The following DNAH12 variants were observed in gnomAD, a reference collection of about 807,000 sequenced individuals.
DNAH12 encodes the protein axonemal beta dynein heavy chain 12.
Under a neutral mutation model 371.5 loss-of-function variants are expected in DNAH12, and 285 were observed. That is an observed-to-expected ratio of 0.77 (90% CI 0.70 to 0.85). The LOEUF (loss-of-function observed/expected upper bound fraction) is 0.85. Among genes scored for constraint, DNAH12 ranks in the 40% least tolerant of loss-of-function variants. The pLI, the probability that DNAH12 is intolerant of heterozygous loss-of-function variation, is 0.00. For synonymous variants in DNAH12, 1,200 were observed against 1,213.0 expected, an observed-to-expected ratio of 0.99 and a Z score of 0.22; for missense variants, 3,611 against 3,689.4, an observed-to-expected ratio of 0.98 and a Z score of 0.55.
intron 4 of DNAH12, among the ~76,000 whole-genome samples, chr3:57,512,909 C>T (rs1263463627): frequency 2.6e-5 from 4 of 152,054 alleles, no homozygotes; most frequent in South Asian, 2.1e-4. Flanking sequence ...GAGGCCGAGG[C>T]GGGTGGATCA....
chr3:57,452,633 A>G (rs2065788610), intron 25 of DNAH12, among the ~76,000 whole-genome samples: 3 of 152,212 alleles, frequency 2.0e-5, no homozygotes, highest in African/African-American at 7.2e-5. Context: ...GGAGTGACTC[A>G]CAACTTTCAT....
intron 62 of DNAH12, among the ~76,000 whole-genome samples, chr3:57,325,653 A>G (rs2061924868): frequency 6.6e-6 from 1 of 152,210 alleles, no homozygotes. Flanking sequence ...AAACTCTAAA[A>G]AGCAGAGCAC....
In DNAH12 at chr3:57,323,177, C is replaced by G; in HGVS notation, c.10213G>C (p.Ala3405Pro). Residue 3405 changes from alanine to proline, a missense_variant, in exon 64 of 74, where the codon GCA (alanine) becomes CCA (proline). Transcript: ENST00000495027. ...ATTGCTGCTTTAATCATTTTTGCTG[C>G]AATCGGTCCTTGTCCCTGTCCCAGT... ...ISLGQGQGPIAAKMIKAAIEE... is the reference protein window; with the variant it reads ...ISLGQGQGPIPAKMIKAAIEE... 1 of 1,552,372 alleles carries G rather than the reference C, an allele frequency of 6.4e-7. No individual in the cohort carries two copies. Among genetic ancestry groups the G allele is most frequent in the South Asian group, 1.2e-5 (1 of 84,056 alleles).
chr3:57,473,152 A>G (rs2066415723), intron 13 of DNAH12, among the ~76,000 whole-genome samples: 1 of 152,088 alleles, frequency 6.6e-6, no homozygotes, highest in Non-Finnish European at 1.5e-5. Context: ...ACTGTATGCA[A>G]TAGTCTAGAA....
rs2065817267 is a variant in DNAH12, at chr3:57,453,504, T to A, written c.3457-101A>T. On this transcript the variant is annotated intron_variant, in intron 23 of 73. Transcript: ENST00000495027. ...TTATAAAACAATTCTGACTTCTTAA[T>A]CTATCTCAATATAGAAATGAGTTCA... The A allele has an allele frequency of 2.8e-6, 3 of 1,068,230 alleles. 1 individual carries two copies. The highest frequency in any genetic ancestry group is 5.7e-5 in the East Asian group (2 of 35,360). The allele number at this position is 1,068,230 out of a possible 1,614,324, so 66.2% of individuals were successfully genotyped here.
At chr3:57,437,407 TAAAC>T (rs1323303825) in intron 29 of DNAH12, among the ~76,000 whole-genome samples, 7 of 152,232 alleles carry the variant, frequency 4.6e-5, no homozygotes, top group Admixed American at 1.3e-4. Context: ...TAACCAGAAA[TAAAC>T]AAATAAGTTT....
chr3:57,431,898 G>GA (rs1045006436), intron 32 of DNAH12, among the ~76,000 whole-genome samples: 3 of 152,102 alleles, frequency 2.0e-5, no homozygotes, highest in African/African-American at 7.2e-5. Context: ...ACTTCACGAA[G>GA]AAAAGAGAAA....
At chr3:57,390,575 C>G (rs1427308615) in intron 45 of DNAH12, among the ~76,000 whole-genome samples, 2 of 148,544 alleles carry the variant, frequency 1.3e-5, no homozygotes, top group Non-Finnish European at 3.0e-5. Context: ...GTACCAGAAA[C>G]TATTTTTTTT....
the DNAH12 span, among the ~76,000 whole-genome samples, chr3:57,554,153 A>G: frequency 1.1e-5 from 1 of 94,378 alleles, no homozygotes; most frequent in African/African-American, 7.8e-5. Context: ...CAGACATGGC[A>G]GTGCACACCT....
chr3:57,325,238 C>G (rs1052008169), intron 62 of DNAH12, among the ~76,000 whole-genome samples: 4 of 152,224 alleles, frequency 2.6e-5, no homozygotes, highest in African/African-American at 7.2e-5. Flanking sequence ...CAGCACGCAG[C>G]TGGAGATCTG....
intron 2 of DNAH12, among the ~76,000 whole-genome samples, chr3:57,531,708 A>C (rs1347799360): frequency 7.0e-6 from 1 of 142,546 alleles, no homozygotes; most frequent in Non-Finnish European, 1.5e-5. Flanking sequence ...GGTTGCAGTG[A>C]GCTGAGATCA....
chr3:57,366,659 A>G lies in DNAH12; in HGVS notation c.9167+70T>C, dbSNP rs916070534. ...TTGACAAAGTTTTAAAATATTCACA[A>G]AACATAAATATTAATGACCTACAAA... is the stretch of plus-strand genomic sequence containing the variant. On this transcript the variant is annotated intron_variant, in intron 57 of 73. Coordinates refer to ENST00000495027, the MANE Select transcript of DNAH12 (RefSeq NM_001366028.2). 10 of 152,360 alleles carry G rather than the reference A, an allele frequency of 6.6e-5. No individual in the cohort carries two copies. In the South Asian group the frequency reaches 1.2e-3, roughly 19 times the overall value. The allele number at this position is 152,360 out of a possible 1,614,324, so 9.4% of individuals were successfully genotyped here.
At chr3:57,488,898 A>G (rs1307980379) in intron 12 of DNAH12, among the ~76,000 whole-genome samples, 1 of 151,922 alleles carries the variant, frequency 6.6e-6, no homozygotes, top group Non-Finnish European at 1.5e-5. Context: ...CCGATGTGGC[A>G]TGGTCTTCCC....
rs886933143 is a variant in DNAH12, at chr3:57,379,189, A to C, written c.8192T>G (p.Met2731Arg). The part of the protein sequence containing the change: ...SAAEGLCKWI[M>R]AMEVYDRVAK... ...AACTCTGTCGTACACTTCCATGGCC[A>C]TGATCCACTTACACAGACCCTCAGC... Residue 2731 changes from methionine to arginine, a missense_variant, in exon 52 of 74, where the codon ATG (methionine) becomes AGG (arginine). Physicochemically the swap from Met to Arg is moderately conservative, Grantham distance 91. Around this residue, in one of 3 missense-constraint regions of DNAH12, gnomAD observed 2,266 missense variants for 2,236.9 expected, o/e 1.01. Coordinates refer to ENST00000495027, the MANE Select transcript of DNAH12 (RefSeq NM_001366028.2). 1 of 152,214 alleles carries C rather than the reference A, an allele frequency of 6.6e-6. No individual in the cohort carries two copies. The highest frequency in any genetic ancestry group is 1.5e-5 in the Non-Finnish European group (1 of 68,048). The allele number at this position is 152,214 out of a possible 1,614,324, so 9.4% of individuals were successfully genotyped here.
chr3:57,331,934 C>G (rs1217175686), intron 62 of DNAH12, among the ~76,000 whole-genome samples: 1 of 152,106 alleles, frequency 6.6e-6, no homozygotes, highest in Non-Finnish European at 1.5e-5. Flanking sequence ...ATCACCCTGG[C>G]CTGCTTTCAG....
intron 32 of DNAH12, among the ~76,000 whole-genome samples, chr3:57,432,722 G>A (rs112966189): frequency 0.012 from 1,783 of 151,914 alleles, 27 homozygotes; most frequent in African/African-American, 0.04. Flanking sequence ...ATTCATCATA[G>A]AAGTCAGAAG....
At chr3:57,493,632 A>G (rs527460978) in intron 11 of DNAH12, 51 of 152,344 alleles carry the variant, frequency 3.3e-4, no homozygotes, top group African/African-American at 1.2e-3. Context: ...AAAAACACAT[A>G]GTCGTCTCAA....
At chr3:57,475,725 C>T (rs1001586171) in intron 13 of DNAH12, among the ~76,000 whole-genome samples, 1 of 152,098 alleles carries the variant, frequency 6.6e-6, no homozygotes, top group Non-Finnish European at 1.5e-5. Context: ...TAGGAAAATG[C>T]AAATTGAAAA....
At chr3:57,342,750 G>A (rs543139783) in intron 60 of DNAH12, among the ~76,000 whole-genome samples, 1 of 150,842 alleles carries the variant, frequency 6.6e-6, no homozygotes, top group Non-Finnish European at 1.5e-5. Flanking sequence ...ACTCAGACAT[G>A]TCAACAGAAC....
Sources: allele counts gnomAD v4.1 joint callset (sites outside exome capture counted in the v4.1 genomes callset), GRCh38; gene constraint gnomAD v4.1.1; regional missense constraint gnomAD v4.1.1; transcripts MANE v1.5; gene names NCBI Gene and HGNC (gene_info 2026-07-23, HGNC 2026-07-21).